The following MINDY3 variants were observed in gnomAD, a reference collection of about 807,000 sequenced individuals.
MINDY3 encodes the protein MINDY lysine 48 deubiquitinase 3, also known as ubiquitin carboxyl-terminal hydrolase MINDY-3.
A neutral mutation model predicts 69.2 loss-of-function variants in MINDY3; 38 were observed. The ratio of observed to expected loss-of-function variants is 0.55; its 90% CI spans 0.42 to 0.72. The LOEUF (loss-of-function observed/expected upper bound fraction) is 0.72. Among genes scored for constraint, MINDY3 ranks in the 30% least tolerant of loss-of-function variants. MINDY3 has a pLI of 0.00. For missense variants in MINDY3, 522 were observed against 519.0 expected (o/e 1.01, Z -0.06); for synonymous variants, 192 against 180.1 (o/e 1.07, Z -0.53).
chr10:15,789,870 A>G (rs1296486248), intron 11 of MINDY3, among the ~76,000 whole-genome samples: 1 of 152,134 alleles, frequency 6.6e-6, no homozygotes. Flanking sequence ...TGAAATGAAG[A>G]GTCAAACTAA....
At chr10:15,781,176 A>G (rs1836500619) in intron 14 of MINDY3, among the ~76,000 whole-genome samples, 1 of 152,016 alleles carries the variant, frequency 6.6e-6, no homozygotes, top group Non-Finnish European at 1.5e-5. Flanking sequence ...TGCTGTATAT[A>G]TATATCTTTG....
At chr10:15,800,598 A>C (rs1564470505) in intron 10 of MINDY3, among the ~76,000 whole-genome samples, 1 of 152,116 alleles carries the variant, frequency 6.6e-6, no homozygotes, top group African/African-American at 2.4e-5. Context: ...ACTCTTGAAA[A>C]AAAACCATGG....
intron 14 of MINDY3, among the ~76,000 whole-genome samples, chr10:15,781,492 A>G (rs1056185356): frequency 1.3e-5 from 2 of 151,784 alleles, no homozygotes; most frequent in Non-Finnish European, 2.9e-5. Flanking sequence ...AGGGGAAATC[A>G]ATGCAGCCGA....
In MINDY3 at chr10:15,786,473, C is replaced by T. The variant is rs1731548680; in HGVS notation, c.1116+88G>A. The T allele has an allele frequency of 3.6e-6, 3 of 826,798 alleles. No homozygotes were observed. In the Admixed American group the frequency reaches 6.4e-5, roughly 18 times the overall value. 51.2% of individuals were successfully genotyped at this position (826,798 alleles called of 1,614,324 possible). A position where few individuals can be genotyped will look rare whatever the true frequency, so the allele number is the denominator to read the frequency against. ...TCAGTCTCATATCTGCGCATTAGGA[C>T]ATTGTACAGAAAGAGAAAATGCTGC... is the stretch of plus-strand genomic sequence containing the variant. On this transcript the variant is annotated intron_variant, in intron 13 of 14. Coordinates refer to ENST00000277632, the MANE Select transcript of MINDY3 (RefSeq NM_024948.4).
chr10:15,824,944 A>G (rs961106367), intron 8 of MINDY3, among the ~76,000 whole-genome samples: 1 of 152,168 alleles, frequency 6.6e-6, no homozygotes, highest in African/African-American at 2.4e-5. Flanking sequence ...TAACATTTTT[A>G]CCTTCTTATG....
chr10:15,806,391 A>AT (rs1838642589), intron 10 of MINDY3, among the ~76,000 whole-genome samples: 1 of 152,160 alleles, frequency 6.6e-6, no homozygotes, highest in South Asian at 2.1e-4. Flanking sequence ...AATACCAATA[A>AT]TTTAATCTTG....
chr10:15,797,356 C>A (rs1004967973), intron 10 of MINDY3, among the ~76,000 whole-genome samples: 1 of 152,106 alleles, frequency 6.6e-6, no homozygotes, highest in East Asian at 1.9e-4. Flanking sequence ...TTTTGTAATG[C>A]ACAGTTGTCT....
At chr10:15,815,340 A>G (rs181223287) in intron 10 of MINDY3, among the ~76,000 whole-genome samples, 1 of 152,314 alleles carries the variant, frequency 6.6e-6, no homozygotes, top group Admixed American at 6.5e-5. Context: ...AGAAAAGGCA[A>G]TTATGTATCT....
At chr10:15,821,789 T>C (rs983299231) in intron 8 of MINDY3, 63 bp from the exon 9 acceptor site, 149 of 1,319,350 alleles carry the variant, frequency 1.1e-4, no homozygotes, top group South Asian at 1.0e-4. Context: ...GTGTATAAAT[T>C]TGAAACGTAC....
chr10:15,808,182 G>A (rs770106363), intron 10 of MINDY3, among the ~76,000 whole-genome samples: 3 of 152,134 alleles, frequency 2.0e-5, no homozygotes, highest in Non-Finnish European at 4.4e-5. Context: ...TTATTTTAAG[G>A]TCTTAAAAGT....
chr10:15,788,979 G>C, intron 12 of MINDY3: 1 of 281,968 alleles, frequency 3.5e-6, no homozygotes, highest in Non-Finnish European at 6.8e-6. Flanking sequence ...TGTTTGCAGA[G>C]AAACTTTTTA....
intron 12 of MINDY3, among the ~76,000 whole-genome samples, chr10:15,788,439 A>C (rs1343069411): frequency 6.6e-6 from 1 of 152,116 alleles, no homozygotes; most frequent in East Asian, 1.9e-4. Flanking sequence ...AACAAGACCA[A>C]ATTCTAAAAA....
chr10:15,816,864 C>T lies in MINDY3; in HGVS notation c.853G>A (p.Glu285Lys), dbSNP rs1252537734. 3 of 1,613,452 alleles carry T rather than the reference C, an allele frequency of 1.9e-6. No individual in the cohort carries two copies. The highest frequency in any genetic ancestry group is 2.5e-6 in the Non-Finnish European group (3 of 1,179,634). The part of the protein sequence containing the change: ...PKFPIWIVGS[E>K]THLTVFFAKD... ...GCAAAAAATACGGTGAGGTGAGTCT[C>T]ACTGCCAACAATCCAAATAGGGAAT... is the stretch of plus-strand genomic sequence containing the variant. Residue 285 changes from glutamate to lysine, a missense_variant, in exon 10 of 15, where the codon GAG becomes AAG. By Grantham distance (56) the Glu-to-Lys change is moderately conservative (BLOSUM62 1). Transcript: ENST00000277632.
intron 2 of MINDY3, among the ~76,000 whole-genome samples, chr10:15,847,447 G>C (rs112180386): frequency 3.5e-4 from 54 of 152,240 alleles, no homozygotes; most frequent in African/African-American, 1.3e-3. Context: ...ATTTGAAAAA[G>C]TTATAAGCCA....
rs78983164 is a variant in MINDY3, at chr10:15,804,095, T to A, written c.883-7923A>T. On this transcript the variant is annotated intron_variant, in intron 10 of 14. Coordinates refer to ENST00000277632, the MANE Select transcript of MINDY3 (RefSeq NM_024948.4). ...TTTATTGTAAAAGCAGTTCTTTACA[T>A]TAGTCTGATATAATCACATGATTTT... Among the ~76,000 whole-genome samples the A allele has an allele frequency of 5.3e-3, 803 of 152,276 alleles. 7 individuals are homozygous for A. Among genetic ancestry groups the A allele is most frequent in the African/African-American group, 0.019 (771 of 41,554 alleles).
At chr10:15,815,491 A>G (rs1839290878) in intron 10 of MINDY3, among the ~76,000 whole-genome samples, 1 of 152,236 alleles carries the variant, frequency 6.6e-6, no homozygotes, top group South Asian at 2.1e-4. Flanking sequence ...AGAAACAAAT[A>G]ATAAACTTTC....
chr10:15,832,802 A>C (rs1832821787), intron 8 of MINDY3, among the ~76,000 whole-genome samples: 1 of 152,166 alleles, frequency 6.6e-6, no homozygotes, highest in African/African-American at 2.4e-5. Flanking sequence ...AATTAACTAC[A>C]CATTTCTGAA....
intron 11 of MINDY3, among the ~76,000 whole-genome samples, chr10:15,795,073 A>G (rs377474977): frequency 3.3e-5 from 5 of 151,808 alleles, no homozygotes; most frequent in African/African-American, 1.2e-4. Flanking sequence ...CGATTACATG[A>G]AAGCCATGTG....
chr10:15,778,657 A>C lies in MINDY3; in HGVS notation c.*335T>G, dbSNP rs961283042. On this transcript the variant is annotated 3_prime_UTR_variant, in exon 15 of 15. Coordinates refer to ENST00000277632, the MANE Select transcript of MINDY3 (RefSeq NM_024948.4). ...AATAAAACCCAAAAGTAGTTTATCA[A>C]TAGTAACTGTGATACTTAATATACA... 1 of 171,584 alleles carries C rather than the reference A, an allele frequency of 5.8e-6. No individual in the cohort carries two copies. The highest frequency in any genetic ancestry group is 1.2e-5 in the Non-Finnish European group (1 of 80,920). The allele number at this position is 171,584 out of a possible 1,614,324, so 10.6% of individuals were successfully genotyped here.
Sources: gnomAD v4.1 joint callset for allele counts (sites outside exome capture counted in the v4.1 genomes callset) on GRCh38, gnomAD v4.1.1 for gene constraint, MANE v1.5 for transcripts, NCBI Gene and HGNC (gene_info 2026-07-23, HGNC 2026-07-21) for gene names.